The following ANKRD36 variants were observed in gnomAD, a reference collection of about 807,000 sequenced individuals.
ANKRD36 encodes the protein ankyrin repeat domain 36.
In ANKRD36, 179 loss-of-function variants were observed where a neutral mutation model predicts 278.1. That is an observed-to-expected ratio of 0.64 (90% CI 0.57 to 0.73). The LOEUF (loss-of-function observed/expected upper bound fraction) is 0.73, where lower values mean the gene tolerates loss of function less well. Among genes scored for constraint, ANKRD36 ranks in the 30% least tolerant of loss-of-function variants. The pLI is 0.00. For synonymous variants in ANKRD36, 320 were observed against 641.1 expected (o/e 0.50, Z 7.57); for missense variants, 1,159 against 1,956.7 (o/e 0.59, Z 7.69).
intron 70 of ANKRD36, 87 bp downstream of exon 70, chr2:97,244,116 G>T (rs568502214): frequency 6.8e-7 from 1 of 1,468,798 alleles, no homozygotes; most frequent in Non-Finnish European, 9.0e-7. Context: ...TATTATTTAG[G>T]CCTGAACAAT....
At chr2:97,182,688 G>C (rs993448693) in intron 26 of ANKRD36, among the ~76,000 whole-genome samples, 1 of 151,024 alleles carries the variant, frequency 6.6e-6, no homozygotes, top group Non-Finnish European at 1.5e-5. Context: ...ATTTCCAAAT[G>C]TCAAAGGTTA....
At chr2:97,196,336 A>G (rs2059754787) in intron 40 of ANKRD36, among the ~76,000 whole-genome samples, 1 of 151,938 alleles carries the variant, frequency 6.6e-6, no homozygotes, top group African/African-American at 2.4e-5. Flanking sequence ...ATTGATATTG[A>G]TACGGTTTTA....
At chr2:97,199,622 A>G (rs2153590086) in intron 44 of ANKRD36, among the ~76,000 whole-genome samples, 1 of 152,054 alleles carries the variant, frequency 6.6e-6, no homozygotes. Context: ...AAGTATGTCA[A>G]AGTTGATAAT....
intron 66 of ANKRD36, among the ~76,000 whole-genome samples, chr2:97,224,452 G>GTTTTTT (rs199810806): frequency 7.2e-6 from 1 of 137,944 alleles, no homozygotes; most frequent in Non-Finnish European, 1.6e-5. Context: ...TTGTTTTTTT[G>GTTTTTT]TTTTTTTTTT....
intron 22 of ANKRD36, among the ~76,000 whole-genome samples, chr2:97,175,676 G>A (rs2054027323): frequency 2.7e-5 from 4 of 150,890 alleles, no homozygotes; most frequent in Middle Eastern, 6.8e-3. Context: ...GCTTTTGAAT[G>A]TGTTTGCTCT....
chr2:97,217,742 A>G (rs1158133945), intron 64 of ANKRD36, among the ~76,000 whole-genome samples: 3 of 151,904 alleles, frequency 2.0e-5, no homozygotes, highest in East Asian at 2.0e-4. Flanking sequence ...AGATGGTACT[A>G]CTTAAACCAG....
At position 97,187,336 on chromosome 2, in the gene ANKRD36, C is replaced by T. The variant is rs1210116712; in HGVS notation, c.2078C>T (p.Thr693Ile). The T allele has an allele frequency of 3.7e-6, 6 of 1,607,586 alleles. No individual in the cohort carries two copies. The highest frequency in any genetic ancestry group is 4.2e-6 in the Non-Finnish European group (5 of 1,177,264). Reference protein sequence around the residue: ...SQKQPALKATTDEEDSVSNIA... With the variant: ...SQKQPALKATIDEEDSVSNIA... ...CTTTCAAATTCCATTCAGGCTACAA[C>T]TGACGAGGAAGACTCTGTTTCGAAT... Residue 693 changes from threonine to isoleucine, a missense_variant, in exon 32 of 76, where the codon ACT (threonine) becomes ATT (isoleucine). Thr to Ile is a moderately conservative substitution (Grantham distance 89, BLOSUM62 -1). Coordinates refer to ENST00000420699, the MANE Select transcript of ANKRD36 (RefSeq NM_001354587.1).
At chr2:97,199,073 AG>A (rs1247036572) in intron 44 of ANKRD36, among the ~76,000 whole-genome samples, 7 of 152,030 alleles carry the variant, frequency 4.6e-5, no homozygotes, top group Middle Eastern at 3.4e-3. Context: ...AGGAGAACTA[AG>A]GAGACCCCTG....
intron 48 of ANKRD36, among the ~76,000 whole-genome samples, chr2:97,203,032 A>T (rs974199699): frequency 1.3e-5 from 2 of 151,822 alleles, no homozygotes; most frequent in Non-Finnish European, 2.9e-5. Flanking sequence ...ATAGAAACAC[A>T]CTGACTCATT....
At chr2:97,180,937 T>C (rs1042901366) in intron 24 of ANKRD36, among the ~76,000 whole-genome samples, 5 of 151,688 alleles carry the variant, frequency 3.3e-5, no homozygotes, top group African/African-American at 9.7e-5. Flanking sequence ...GAGGCTAATA[T>C]ATTATCGTTT....
At chr2:97,177,409 A>G (rs1428612713) in intron 22 of ANKRD36, among the ~76,000 whole-genome samples, 2 of 151,750 alleles carry the variant, frequency 1.3e-5, no homozygotes, top group Admixed American at 6.6e-5. Flanking sequence ...GAGGCATCAC[A>G]CTACCTGACT....
chr2:97,227,783 A>C (rs1227374426), intron 67 of ANKRD36, among the ~76,000 whole-genome samples: 1 of 152,082 alleles, frequency 6.6e-6, no homozygotes, highest in Non-Finnish European at 1.5e-5. Context: ...TGTCATAGAT[A>C]GCTCTTATTA....
intron 48 of ANKRD36, among the ~76,000 whole-genome samples, chr2:97,203,048 C>T (rs552946298): frequency 1.1e-3 from 161 of 151,850 alleles, no homozygotes; most frequent in African/African-American, 3.7e-3. Context: ...TCATTACTCC[C>T]CTTTGTAACT....
chr2:97,177,849 C>A (rs1185136166), intron 22 of ANKRD36, among the ~76,000 whole-genome samples: 1 of 151,912 alleles, frequency 6.6e-6, no homozygotes, highest in African/African-American at 2.4e-5. Flanking sequence ...AACTAAAGAG[C>A]TTCTGCACTG....
In ANKRD36 at chr2:97,183,894, G is replaced by A. The variant is rs1445340092; in HGVS notation, c.1939+240G>A. Among the ~76,000 whole-genome samples the A allele has an allele frequency of 3.3e-5, 5 of 151,558 alleles. No individual in the cohort carries two copies. The Admixed American group carries it at 3.3e-4, about 10-fold the overall frequency. Reference sequence around the variant, plus strand: ...TGGATAGAAGAACCATTGGAAAACAGTTCAAGACATAAGAGGATCGGAGGA... The same window carrying A: ...TGGATAGAAGAACCATTGGAAAACAATTCAAGACATAAGAGGATCGGAGGA... On this transcript the variant is annotated intron_variant, in intron 28 of 75. Coordinates refer to ENST00000420699, the MANE Select transcript of ANKRD36 (RefSeq NM_001354587.1).
intron 54 of ANKRD36, among the ~76,000 whole-genome samples, chr2:97,208,571 A>T (rs1452962468): frequency 1.4e-5 from 2 of 146,248 alleles, no homozygotes; most frequent in Non-Finnish European, 3.0e-5. Flanking sequence ...ATATTTTCAT[A>T]AAAAATATTT....
In ANKRD36 at chr2:97,200,522, A is replaced by G. The variant is rs1477969923; in HGVS notation, c.2854A>G (p.Lys952Glu). 1.9e-6 allele frequency: 3 copies of G among 1,557,430 alleles called. No individual in the cohort carries two copies. Among genetic ancestry groups the G allele is most frequent in the Middle Eastern group, 4.6e-4 (2 of 4,376 alleles). ...REKKDGEISRKVSSQKPPALK... is the reference protein window; with the variant it reads ...REKKDGEISREVSSQKPPALK... ...AAAAAAGGATGGAGAAATATCTAGG[A>G]AAGGTAATTTTGCGAAACACATTTA... is the stretch of plus-strand genomic sequence containing the variant. Residue 952 changes from lysine to glutamate, a missense_variant, in exon 46 of 76, where the codon AAA (lysine) becomes GAA (glutamate). By Grantham distance (56) the Lys-to-Glu change is moderately conservative (BLOSUM62 1). Transcript: ENST00000420699.
At chr2:97,227,514 G>A (rs1438171424) in intron 67 of ANKRD36, among the ~76,000 whole-genome samples, 4 of 152,118 alleles carry the variant, frequency 2.6e-5, no homozygotes, top group African/African-American at 9.6e-5. Context: ...ATCAGCTTAA[G>A]GAGATTTTGG....
intron 51 of ANKRD36, 41 bp from the exon 52 acceptor site, chr2:97,206,022 A>AT (rs2062755982): frequency 6.5e-7 from 1 of 1,543,652 alleles, no homozygotes; most frequent in African/African-American, 1.4e-5. Context: ...TCTATGAAAC[A>AT]TACTTTATTT....
Sources: allele counts gnomAD v4.1 joint callset (sites outside exome capture counted in the v4.1 genomes callset), GRCh38; gene constraint gnomAD v4.1.1; transcripts MANE v1.5; gene names NCBI Gene and HGNC (gene_info 2026-07-23, HGNC 2026-07-21).